The following PCSK5 variants were observed in gnomAD, a reference collection of about 807,000 sequenced individuals.
PCSK5 encodes proprotein convertase subtilisin/kexin type 5.
Under a neutral mutation model 233.2 loss-of-function variants are expected in PCSK5, and 129 were observed. The ratio of observed to expected loss-of-function variants is 0.55; its 90% CI spans 0.48 to 0.64. PCSK5 has a LOEUF of 0.64. PCSK5 is among the 30% of genes least tolerant of loss of function. The pLI is 0.00. For missense variants in PCSK5, 2,076 were observed against 2,430.1 expected (o/e 0.85, Z 3.06); for synonymous variants, 825 against 879.2 (o/e 0.94, Z 1.09).
chr9:76,139,773 CAAAAACAA>C (rs1383230706), intron 10 of PCSK5, among the ~76,000 whole-genome samples: 1 of 150,544 alleles, frequency 6.6e-6, no homozygotes, highest in African/African-American at 2.4e-5. Flanking sequence ...AGCTCATTTA[CAAAAACAA>C]AAAAACAAAA....
intron 35 of PCSK5, among the ~76,000 whole-genome samples, 196 bp downstream of exon 35, chr9:76,338,643 C>A (rs1829748590): frequency 6.6e-6 from 1 of 152,182 alleles, no homozygotes; most frequent in Non-Finnish European, 1.5e-5. Context: ...GCTGCTCCTG[C>A]CCATCCCCCA....
chr9:76,027,152 C>T, intron 5 of PCSK5, 115 bp downstream of exon 5: 2 of 628,068 alleles, frequency 3.2e-6, no homozygotes, highest in Non-Finnish European at 5.6e-6. Context: ...TGCTAATTTG[C>T]TCCAAGATTA....
intron 9 of PCSK5, among the ~76,000 whole-genome samples, chr9:76,109,839 T>G (rs890043881): frequency 4.7e-4 from 71 of 152,310 alleles, no homozygotes; most frequent in African/African-American, 1.4e-3. Context: ...GAAAGACGTG[T>G]GAGTACTAAA....
intron 20 of PCSK5, among the ~76,000 whole-genome samples, chr9:76,222,270 T>G (rs754878217): frequency 1.3e-5 from 2 of 152,198 alleles, no homozygotes; most frequent in African/African-American, 2.4e-5. Flanking sequence ...CTGATTTTGT[T>G]TTTTGGCTAA....
At chr9:76,018,243 G>C (rs1206930708) in intron 3 of PCSK5, among the ~76,000 whole-genome samples, 1 of 152,218 alleles carries the variant, frequency 6.6e-6, no homozygotes, top group Non-Finnish European at 1.5e-5. Flanking sequence ...TGCAGTTGTG[G>C]TAGTTTAAAA....
chr9:76,020,283 T>C (rs536084732), intron 3 of PCSK5, among the ~76,000 whole-genome samples: 4 of 152,350 alleles, frequency 2.6e-5, no homozygotes, highest in Admixed American at 1.3e-4. Context: ...AATGAACTCA[T>C]TTTCATCTCT....
At chr9:76,219,355 A>G (rs572806189) in intron 20 of PCSK5, among the ~76,000 whole-genome samples, 1 of 152,296 alleles carries the variant, frequency 6.6e-6, no homozygotes, top group Admixed American at 6.5e-5. Flanking sequence ...GGTATTTTCA[A>G]GGGGTTTAAA....
intron 2 of PCSK5, among the ~76,000 whole-genome samples, chr9:75,982,459 A>G (rs1826321397): frequency 6.6e-6 from 1 of 152,116 alleles, no homozygotes; most frequent in Admixed American, 6.6e-5. Flanking sequence ...GCCCCCACTA[A>G]CAGTATGTTA....
chr9:76,278,256 T>G (rs563644110), intron 24 of PCSK5, among the ~76,000 whole-genome samples: 2 of 152,232 alleles, frequency 1.3e-5, no homozygotes, highest in Admixed American at 6.5e-5. Flanking sequence ...CAATTCGTTT[T>G]AAAAGTGAAT....
At chr9:75,934,862 G>A (rs1455052005) in intron 2 of PCSK5, among the ~76,000 whole-genome samples, 3 of 152,124 alleles carry the variant, frequency 2.0e-5, no homozygotes, top group East Asian at 1.9e-4. Context: ...TGGGATTACA[G>A]CTGTGAGCCA....
chr9:76,144,158 A>C (rs1823341496), intron 10 of PCSK5, among the ~76,000 whole-genome samples: 1 of 152,110 alleles, frequency 6.6e-6, no homozygotes, highest in Non-Finnish European at 1.5e-5. Context: ...CCCTGAAGCC[A>C]ACTTAGAATT....
chr9:76,323,215 C>G lies in PCSK5; in HGVS notation c.4266C>G (p.Val1422=). 1.2e-6 allele frequency: 2 copies of G among 1,612,706 alleles called. No individual in the cohort carries two copies. Among genetic ancestry groups the G allele is most frequent in the Non-Finnish European group, 1.7e-6 (2 of 1,179,848 alleles). Reference sequence around the variant, plus strand: ...AGCTCTGTCTTGAGAGTTCCTGGGTCCTCTATGATGGACTGTGCTTGGAGG... The same window carrying G: ...AGCTCTGTCTTGAGAGTTCCTGGGTGCTCTATGATGGACTGTGCTTGGAGG... The part of the protein sequence containing the change: ...DCELCLESSW[V]LYDGLCLEEC... Residue 1422 remains valine, a synonymous_variant, in exon 32 of 38, where the codon GTC becomes GTG. Coordinates refer to ENST00000674117, the MANE Select transcript of PCSK5 (RefSeq NM_001372043.1).
intron 1 of PCSK5, among the ~76,000 whole-genome samples, chr9:75,891,962 G>A (rs977129365): frequency 6.6e-6 from 1 of 152,168 alleles, no homozygotes; most frequent in African/African-American, 2.4e-5. Context: ...CGGCCCCGGT[G>A]TGAGTGCAGA....
At position 76,175,222 on chromosome 9, in the gene PCSK5, AAATGGAATGGAATGAAATGGAATGG is replaced by A. The variant is rs761220012; in HGVS notation, c.1900+108_1900+132del. On this transcript the variant is annotated intron_variant, in intron 14 of 37. Transcript: ENST00000674117. ...GAACAGAATGGAATGGAATGGAATG[AAATGGAATGGAATGAAATGGAATGG>A]AATGGAATGGAATGGAATGGAATGG... The A allele has an allele frequency of 3.4e-3, 1,734 of 510,520 alleles. 16 individuals are homozygous for A. The highest frequency in any genetic ancestry group is 0.031 in the African/African-American group (1,409 of 46,196). 31.6% of individuals were successfully genotyped at this position (510,520 alleles called of 1,614,324 possible). A position where few individuals can be genotyped will look rare whatever the true frequency, so the allele number is the denominator to read the frequency against.
intron 5 of PCSK5, among the ~76,000 whole-genome samples, chr9:76,036,509 G>A (rs1407821194): frequency 6.6e-6 from 1 of 152,166 alleles, no homozygotes; most frequent in African/African-American, 2.4e-5. Context: ...CGTTGGAGAA[G>A]CATTCTTCTC....
rs565662844 is a variant in PCSK5 at position 76,042,144 on chromosome 9, C to G, written c.632+15107C>G. 9.8e-5 allele frequency among the ~76,000 whole-genome samples: 15 copies of G among 152,294 alleles called. No homozygotes were observed. The South Asian group carries it at 3.1e-3, about 32-fold the overall frequency. On this transcript the variant is annotated intron_variant, in intron 5 of 37. Coordinates refer to ENST00000674117, the MANE Select transcript of PCSK5 (RefSeq NM_001372043.1). Reference sequence around the variant, plus strand: ...TCCCTGCCCTGTGGCAAGATCATTGCCCCCTTTTCACTTCTTGAGCAAATA... The same window carrying G: ...TCCCTGCCCTGTGGCAAGATCATTGGCCCCTTTTCACTTCTTGAGCAAATA...
intron 24 of PCSK5, among the ~76,000 whole-genome samples, chr9:76,242,767 G>T (rs9696553): frequency 0.37 from 56,631 of 152,058 alleles, 10,805 homozygotes; most frequent in Non-Finnish European, 0.41. Context: ...GTTGTGTGTT[G>T]TGTGCCCATA....
At chr9:76,339,197 T>G (rs756782992) in intron 35 of PCSK5, among the ~76,000 whole-genome samples, 41 of 152,246 alleles carry the variant, frequency 2.7e-4, no homozygotes, top group Non-Finnish European at 4.9e-4. Context: ...CATAAATATA[T>G]GAGCACCATG....
Position 76,106,429 on chromosome 9 carries a change from A to T in PCSK5, c.1108-822A>T, listed in dbSNP as rs916366438. 3.3e-5 allele frequency among the ~76,000 whole-genome samples: 5 copies of T among 152,374 alleles called. No homozygotes were observed. The East Asian group carries it at 9.6e-4, about 29-fold the overall frequency. On this transcript the variant is annotated intron_variant, in intron 8 of 37. Coordinates refer to ENST00000674117, the MANE Select transcript of PCSK5 (RefSeq NM_001372043.1). ...TGTATTTTTTCCATAGTGAGAAAAT[A>T]ATGAAACAAAGGTTGAGAAACATTG...
Sources: allele counts gnomAD v4.1 joint callset (sites outside exome capture counted in the v4.1 genomes callset), GRCh38; gene constraint gnomAD v4.1.1; transcripts MANE v1.5; gene names NCBI Gene and HGNC (gene_info 2026-07-23, HGNC 2026-07-21).